Variants in MAPK10 observed in about 807,000 individuals in gnomAD.
MAPK10 encodes the protein JNK3 alpha protein kinase.
A neutral mutation model predicts 59.3 loss-of-function variants in MAPK10; 25 were observed. The ratio of observed to expected loss-of-function variants is 0.42; its 90% confidence interval spans 0.31 to 0.59. The LOEUF is 0.59. MAPK10 is among the 20% of genes least tolerant of loss of function. MAPK10 has a pLI of 0.15. For missense variants in MAPK10, 351 were observed against 568.9 expected, an observed-to-expected ratio of 0.62 and a Z score of 3.90; for synonymous variants, 190 against 200.5, an observed-to-expected ratio of 0.95 and a Z score of 0.44.
chr4:86,082,861 G>C (rs1290905782), intron 9 of MAPK10, among the ~76,000 whole-genome samples: 1 of 152,098 alleles, frequency 6.6e-6, no homozygotes, highest in Non-Finnish European at 1.5e-5. Flanking sequence ...ACAGGCTTAT[G>C]GGGGCTGCAC....
intron 1 of MAPK10, among the ~76,000 whole-genome samples, chr4:86,365,716 T>C (rs17451306): frequency 6.6e-6 from 1 of 151,942 alleles, no homozygotes; most frequent in Non-Finnish European, 1.5e-5. Flanking sequence ...TGTTACAATA[T>C]CACATATTTG....
chr4:86,443,640 G>A (rs200804728), intron 1 of MAPK10, among the ~76,000 whole-genome samples: 2 of 151,840 alleles, frequency 1.3e-5, no homozygotes, highest in African/African-American at 2.4e-5. Flanking sequence ...CGCACAAAAC[G>A]CATCTTACCA....
chr4:86,042,984 C>T (rs531224691), intron 11 of MAPK10, among the ~76,000 whole-genome samples: 58 of 152,080 alleles, frequency 3.8e-4, no homozygotes, highest in African/African-American at 1.3e-3. Context: ...GAAAGTAGTG[C>T]CATGAATTGG....
chr4:86,527,312 C>CAAAAAAAAAAAAAAAAAAAAA lies in MAPK10; in HGVS notation c.-263+66577_-263+66597dup, dbSNP rs57390422. ...GAGCAACAGAGTGAGACACTGTTGC[C>CAAAAAAAAAAAAAAAAAAAAA]AAAAAAAAAAAAAAAAAAAAAAAAA... On this transcript the variant is annotated intron_variant, in intron 1 of 4. Coordinates refer to the MAPK10 transcript ENST00000502302. Among the ~76,000 whole-genome samples the CAAAAAAAAAAAAAAAAAAAAA allele has an allele frequency of 7.4e-4, 12 of 16,196 alleles. 2 individuals are homozygous for CAAAAAAAAAAAAAAAAAAAAA. Among genetic ancestry groups the CAAAAAAAAAAAAAAAAAAAAA allele is most frequent in the Non-Finnish European group, 1.4e-3 (10 of 7,144 alleles). 10.6% of individuals were successfully genotyped at this position (16,196 alleles called of 152,430 possible).
At chr4:86,052,823 T>C (rs1387655347) in intron 11 of MAPK10, among the ~76,000 whole-genome samples, 1 of 152,034 alleles carries the variant, frequency 6.6e-6, no homozygotes, top group Admixed American at 6.6e-5. Context: ...GCCTCCCAAG[T>C]AGCTAGTGTA....
chr4:86,393,342 T>C (rs1288732858), intron 1 of MAPK10, among the ~76,000 whole-genome samples: 4 of 151,898 alleles, frequency 2.6e-5, no homozygotes, highest in Middle Eastern at 3.4e-3. Flanking sequence ...CTAGTTTTTT[T>C]TTTTTTAAGG....
At chr4:86,107,082 T>C (rs560481200) in intron 5 of MAPK10, 141 bp downstream of exon 5, 10 of 603,044 alleles carry the variant, frequency 1.7e-5, no homozygotes, top group African/African-American at 3.8e-5. Flanking sequence ...AAATCGAATG[T>C]AGCATATTGG....
chr4:86,137,085 G>A (rs1188092925), intron 4 of MAPK10, among the ~76,000 whole-genome samples: 1 of 150,558 alleles, frequency 6.6e-6, no homozygotes, highest in African/African-American at 2.5e-5. Context: ...CATTAATAAT[G>A]GGAGACTTTA....
Position 86,012,391 on chromosome 4 carries a change from G to C in MAPK10, c.*4837C>G, listed in dbSNP as rs992557252. The C allele has an allele frequency of 6.6e-6, 1 of 152,136 alleles. No homozygotes were observed. The highest frequency in any genetic ancestry group is 2.4e-5 in the African/African-American group (1 of 41,444). 9.4% of individuals were successfully genotyped at this position (152,136 alleles called of 1,614,324 possible). A position where few individuals can be genotyped will look rare whatever the true frequency, so the allele number is the denominator to read the frequency against. On this transcript the variant is annotated 3_prime_UTR_variant, in exon 14 of 14. Transcript: ENST00000641462. ...AAATGAAATCATGACACCCTTCAGA[G>C]CTACTGTCGTTACATGCAACTCAAG... is the stretch of plus-strand genomic sequence containing the variant.
chr4:86,082,060 A>G (rs2050775453), intron 9 of MAPK10: 1 of 152,178 alleles, frequency 6.6e-6, no homozygotes, highest in South Asian at 2.1e-4. Flanking sequence ...GTGAGTCACA[A>G]GATAACGATG....
At chr4:86,179,648 G>A (rs537853785) in intron 3 of MAPK10, among the ~76,000 whole-genome samples, 3 of 152,162 alleles carry the variant, frequency 2.0e-5, no homozygotes, top group Admixed American at 2.0e-4. Flanking sequence ...CATAAAAACA[G>A]ACACATAGGC....
At position 86,357,178 on chromosome 4, in the gene MAPK10, C is replaced by T. The variant is rs920875830; in HGVS notation, c.-122+2480G>A. Reference sequence around the variant, plus strand: ...TTATTCTGATAAGCAACCAAGCAATCATTCGATTTGAACACACCAATTCCA... The same window carrying T: ...TTATTCTGATAAGCAACCAAGCAATTATTCGATTTGAACACACCAATTCCA... On this transcript the variant is annotated intron_variant, in intron 1 of 13. Coordinates refer to ENST00000641462, the MANE Select transcript of MAPK10 (RefSeq NM_138982.4). The T allele has an allele frequency of 3.3e-5, 5 of 152,284 alleles. No homozygotes were observed. The South Asian group carries it at 8.3e-4, about 25-fold the overall frequency. 9.4% of individuals were successfully genotyped at this position (152,284 alleles called of 1,614,324 possible). A position where few individuals can be genotyped will look rare whatever the true frequency, so the allele number is the denominator to read the frequency against.
In MAPK10 at chr4:86,359,680, A is replaced by T. The variant is rs1736479015; in HGVS notation, c.-144T>A. 2 of 985,714 alleles carry T rather than the reference A, an allele frequency of 2.0e-6. No homozygotes were observed. Among genetic ancestry groups the T allele is most frequent in the Non-Finnish European group, 1.2e-6 (1 of 829,978 alleles). 61.1% of individuals were successfully genotyped at this position (985,714 alleles called of 1,614,324 possible). ...TACCATTCCGTGCCTGAGAACTACGATCCTGATCCGGCAGTGTTTGCCCCA... is the reference window on the plus strand; with the variant it reads ...TACCATTCCGTGCCTGAGAACTACGTTCCTGATCCGGCAGTGTTTGCCCCA... On this transcript the variant is annotated 5_prime_UTR_variant, in exon 1 of 14. Coordinates refer to ENST00000641462, the MANE Select transcript of MAPK10 (RefSeq NM_138982.4).
At chr4:86,325,287 G>A (rs2095997893) in intron 2 of MAPK10, among the ~76,000 whole-genome samples, 1 of 152,150 alleles carries the variant, frequency 6.6e-6, no homozygotes, top group Non-Finnish European at 1.5e-5. Flanking sequence ...GGGTGCCCAG[G>A]CACTTTTACA....
chr4:86,573,715 A>G (rs1318599901), intron 1 of MAPK10, among the ~76,000 whole-genome samples: 2 of 152,120 alleles, frequency 1.3e-5, no homozygotes, highest in Admixed American at 6.6e-5. Flanking sequence ...GAATCCATAA[A>G]CGTGATATGT....
At chr4:86,250,161 C>T (rs115873350) in intron 2 of MAPK10, among the ~76,000 whole-genome samples, 4,528 of 152,230 alleles carry the variant, frequency 0.03, 93 homozygotes, top group South Asian at 0.042. Context: ...CATAGGAATG[C>T]CGATCTTTAC....
rs552552732 is a variant in MAPK10 at position 86,481,026 on chromosome 4, C to T, written c.-263+112884G>A. ...CTTTCTGTGTAGGATTCCTTCAACC[C>T]AGGTATAGGACAAGACCTCTATAGA... On this transcript the variant is annotated intron_variant, in intron 1 of 4. Coordinates refer to the MAPK10 transcript ENST00000502302. 6.6e-5 allele frequency among the ~76,000 whole-genome samples: 10 copies of T among 152,296 alleles called. No individual in the cohort carries two copies. The South Asian group carries it at 1.9e-3, about 28-fold the overall frequency.
chr4:86,447,236 G>GT (rs1750152093), intron 1 of MAPK10, among the ~76,000 whole-genome samples: 1 of 152,072 alleles, frequency 6.6e-6, no homozygotes, highest in Non-Finnish European at 1.5e-5. Flanking sequence ...AGATCTGATG[G>GT]TTTTTTAAGG....
At chr4:86,380,934 G>C (rs996558221) in intron 1 of MAPK10, among the ~76,000 whole-genome samples, 3 of 151,098 alleles carry the variant, frequency 2.0e-5, no homozygotes, top group Non-Finnish European at 2.9e-5. Flanking sequence ...CTGAGAGACC[G>C]AAGCAGAGCT....
Sources: allele counts gnomAD v4.1 joint callset (sites outside exome capture counted in the v4.1 genomes callset), GRCh38; gene constraint gnomAD v4.1.1; transcripts MANE v1.5; gene names NCBI Gene and HGNC (gene_info 2026-07-23, HGNC 2026-07-21).